CFAP96: variants seen among roughly 807,000 people sequenced by gnomAD.
The protein encoded by CFAP96 is cilia and flagella associated protein 96.
chr4:185,427,475 A>G, the CFAP96 span, among the ~76,000 whole-genome samples: 1 of 151,992 alleles, frequency 6.6e-6, no homozygotes, highest in African/African-American at 2.4e-5. Flanking sequence ...ATTTAAGGTA[A>G]AAGGCCGGGC....
At chr4:185,414,221 G>A in the CFAP96 span, among the ~76,000 whole-genome samples, 54 of 152,206 alleles carry the variant, frequency 3.5e-4, no homozygotes, top group Non-Finnish European at 6.0e-4. Context: ...TTGTAAATGA[G>A]TAAATTATAA....
the CFAP96 span, chr4:185,445,211 AT>A: frequency 8.2e-7 from 1 of 1,225,968 alleles, no homozygotes; most frequent in Non-Finnish European, 1.1e-6. Context: ...AGTATCTTTT[AT>A]TTATATATAC....
At chr4:185,433,092 C>T in the CFAP96 span, among the ~76,000 whole-genome samples, 1 of 152,062 alleles carries the variant, frequency 6.6e-6, no homozygotes, top group South Asian at 2.1e-4. Flanking sequence ...TGAAGATATA[C>T]TCATGAGGTT....
the CFAP96 span, among the ~76,000 whole-genome samples, chr4:185,446,080 A>G: frequency 6.6e-6 from 1 of 152,136 alleles, no homozygotes; most frequent in Non-Finnish European, 1.5e-5. Flanking sequence ...ACCTCAGGTG[A>G]TCCACCCACC....
the CFAP96 span, among the ~76,000 whole-genome samples, chr4:185,443,342 A>ATTTTTTTT: frequency 9.0e-4 from 24 of 26,722 alleles, no homozygotes; most frequent in African/African-American, 2.4e-3. Context: ...ATATATATAT[A>ATTTTTTTT]TTTTTTTTTT....
At chr4:185,428,866 ACCTCAATGT>A in the CFAP96 span, among the ~76,000 whole-genome samples, 3 of 152,182 alleles carry the variant, frequency 2.0e-5, no homozygotes, top group Admixed American at 1.3e-4. Flanking sequence ...GTAGGGTAAT[ACCTCAATGT>A]GTTGTACATC....
At chr4:185,422,903 A>AG in the CFAP96 span, among the ~76,000 whole-genome samples, 150,687 of 152,324 alleles carry the variant, frequency 0.99, 74,548 homozygotes, top group East Asian at 1. Context: ...TCTGTCACAC[A>AG]GCTGGAGTGC....
At chr4:185,449,549 T>C in the CFAP96 span, 1 of 1,246,488 alleles carries the variant, frequency 8.0e-7, no homozygotes, top group South Asian at 1.4e-5. Context: ...GTACAGGTAT[T>C]TGACTTGCAC....
chr4:185,416,708 T>G, the CFAP96 span, among the ~76,000 whole-genome samples: 20 of 152,304 alleles, frequency 1.3e-4, no homozygotes, highest in South Asian at 4.1e-3. Flanking sequence ...ACCTGGAACA[T>G]CTGATGGGTA....
chr4:185,442,086 T>G, the CFAP96 span, among the ~76,000 whole-genome samples: 1 of 152,138 alleles, frequency 6.6e-6, no homozygotes, highest in Non-Finnish European at 1.5e-5. Flanking sequence ...GACTCATCTA[T>G]TTGTTTATTT....
At chr4:185,428,218 G>C in the CFAP96 span, among the ~76,000 whole-genome samples, 1 of 152,034 alleles carries the variant, frequency 6.6e-6, no homozygotes, top group Non-Finnish European at 1.5e-5. Context: ...GAATGGGATA[G>C]AGGTAAGTAT....
At chr4:185,430,350 TAAAA>T in the CFAP96 span, among the ~76,000 whole-genome samples, 1 of 152,086 alleles carries the variant, frequency 6.6e-6, no homozygotes, top group African/African-American at 2.4e-5. Context: ...CATTGTTAAA[TAAAA>T]AAAGCAAGGT....
chr4:185,447,725 C>T, the CFAP96 span, among the ~76,000 whole-genome samples: 1 of 152,094 alleles, frequency 6.6e-6, no homozygotes, highest in Non-Finnish European at 1.5e-5. Flanking sequence ...AGTATCACTG[C>T]AATTAACTGG....
chr4:185,420,790 T>C, the CFAP96 span, among the ~76,000 whole-genome samples: 1 of 152,182 alleles, frequency 6.6e-6, no homozygotes, highest in Non-Finnish European at 1.5e-5. Flanking sequence ...AGCCCTTTGT[T>C]GAGTGTTGAC....
chr4:185,422,603 C>T, the CFAP96 span: 5 of 1,337,716 alleles, frequency 3.7e-6, no homozygotes, highest in Non-Finnish European at 2.1e-6. Context: ...CCTTGTAAAA[C>T]AAAACAAACT....
chr4:185,444,846 A>G, the CFAP96 span: 1 of 877,604 alleles, frequency 1.1e-6, no homozygotes, highest in Non-Finnish European at 1.7e-6. Context: ...ATTAAACAGT[A>G]TCATTTTCTT....
At chr4:185,443,320 GTATATATA>G in the CFAP96 span, among the ~76,000 whole-genome samples, 8 of 55,992 alleles carry the variant, frequency 1.4e-4, no homozygotes, top group East Asian at 1.9e-3. Context: ...TATTTTTTAT[GTATATATA>G]TATATATATA....
chr4:185,436,409 C>T, the CFAP96 span: 27 of 1,326,284 alleles, frequency 2.0e-5, no homozygotes, highest in African/African-American at 4.4e-5. Flanking sequence ...TTAGCTAACT[C>T]GATATTAATA....
chr4:185,445,528 T>G, the CFAP96 span: 6 of 1,575,810 alleles, frequency 3.8e-6, no homozygotes, highest in Non-Finnish European at 5.2e-6. Context: ...GTTCTGTCTT[T>G]AACTTTGAAA....
Sources: gnomAD v4.1 joint callset for allele counts (sites outside exome capture counted in the v4.1 genomes callset) on GRCh38, gnomAD v4.1.1 for gene constraint, MANE v1.5 for transcripts, NCBI Gene and HGNC (gene_info 2026-07-23, HGNC 2026-07-21) for gene names.